The following CADPS2 variants were observed in gnomAD, a reference collection of about 807,000 sequenced individuals.
CADPS2 encodes calcium-dependent secretion activator 2.
A neutral mutation model predicts 172.5 loss-of-function variants in CADPS2; 93 were observed. The observed-to-expected ratio is 0.54, with a 90% CI of 0.46 to 0.64. The LOEUF is 0.64. Among genes scored for constraint, CADPS2 ranks in the 30% least tolerant of loss-of-function variants. The pLI, the probability that CADPS2 is intolerant of heterozygous loss-of-function variation, is 0.00. For synonymous variants in CADPS2, 546 were observed against 555.2 expected, an observed-to-expected ratio of 0.98 and a Z score of 0.23; for missense variants, 1,420 against 1,565.9, an observed-to-expected ratio of 0.91 and a Z score of 1.57.
At chr7:122,698,964 ATC>A (rs2085602698) in intron 2 of CADPS2, 1 of 1,299,878 alleles carries the variant, frequency 7.7e-7, no homozygotes, top group Admixed American at 2.5e-5. Context: ...ACAGTTGCAC[ATC>A]TGTTGACAAT....
rs553919767 is a variant in CADPS2, at chr7:122,481,940, G to A, written c.1853-1080C>T. 2.0e-5 allele frequency among the ~76,000 whole-genome samples: 3 copies of A among 152,222 alleles called. No homozygotes were observed. In the South Asian group the frequency reaches 6.2e-4, roughly 32 times the overall value. On this transcript the variant is annotated intron_variant, in intron 11 of 29. Coordinates refer to ENST00000449022, the MANE Select transcript of CADPS2 (RefSeq NM_017954.11). Reference sequence around the variant, plus strand: ...GAGGCTACTTGGGAGGCTGAGGCACGAGAATGGCTTGAACCTGGGAGGCAG... The same window carrying A: ...GAGGCTACTTGGGAGGCTGAGGCACAAGAATGGCTTGAACCTGGGAGGCAG...
At position 122,886,050 on chromosome 7, in the gene CADPS2, C is replaced by T. The variant is rs753743839; in HGVS notation, c.288G>A (p.Ala96=). The change falls in exon 1 of 30, where the codon GCG becomes GCA. Residue 96 remains alanine, a synonymous_variant. Transcript: ENST00000449022. ...TGGGCTGCTTGGCGTTGAAGGGGTA[C>T]GCGATGCACCTCACGACGAAGACGT... ...QLYVFVVRCI[A]YPFNAKQPTD... The T allele has an allele frequency of 2.5e-6, 4 of 1,607,448 alleles. No individual in the cohort carries two copies. The highest frequency in any genetic ancestry group is 2.2e-5 in the South Asian group (2 of 89,338).
intron 19 of CADPS2, among the ~76,000 whole-genome samples, chr7:122,409,994 A>G (rs2047106099): frequency 1.3e-5 from 2 of 152,190 alleles, no homozygotes; most frequent in Non-Finnish European, 2.9e-5. Flanking sequence ...GCAATGTTTA[A>G]TTTGCTTAAG....
intron 2 of CADPS2, among the ~76,000 whole-genome samples, chr7:122,664,279 G>A (rs550452371): frequency 1.3e-5 from 2 of 152,116 alleles, no homozygotes; most frequent in African/African-American, 4.8e-5. Flanking sequence ...CAACAGCTGG[G>A]GGGCTAGAAT....
intron 8 of CADPS2, among the ~76,000 whole-genome samples, chr7:122,518,206 A>G (rs1411414471): frequency 1.3e-5 from 2 of 152,046 alleles, no homozygotes; most frequent in African/African-American, 4.8e-5. Context: ...AAGACTTTGC[A>G]TATAAAAATC....
rs1464749182 is a variant in CADPS2, at chr7:122,719,284, A to C, written c.453+17671T>G. 2.0e-5 allele frequency among the ~76,000 whole-genome samples: 3 copies of C among 152,042 alleles called. No homozygotes were observed. In the East Asian group the frequency reaches 5.8e-4, roughly 29 times the overall value. On this transcript the variant is annotated intron_variant, in intron 2 of 29. Coordinates refer to ENST00000449022, the MANE Select transcript of CADPS2 (RefSeq NM_017954.11). ...GGGTGGGGGAGAGAGAAAGGGAATGAGTGGCTTCATGCATGAGGAGAACAA... is the reference window on the plus strand; with the variant it reads ...GGGTGGGGGAGAGAGAAAGGGAATGCGTGGCTTCATGCATGAGGAGAACAA...
rs1461448869 is a variant in CADPS2 at position 122,581,257 on chromosome 7, A to T, written c.1257T>A (p.His419Gln). The T allele has an allele frequency of 6.2e-7, 1 of 1,613,000 alleles. No homozygotes were observed. Among genetic ancestry groups the T allele is most frequent in the East Asian group, 2.2e-5 (1 of 44,824 alleles). ...WGTQGDFTTT[H>Q]PRPVVKVKLF... ...GTTTCACTTTGACCACAGGCCGAGG[A>T]TGGGTGGTGGTGAAATCTCCTTGAG... The change falls in exon 7 of 30, where the codon CAT becomes CAA. Residue 419 changes from histidine to glutamine, a missense_variant. His to Gln is a conservative substitution (Grantham distance 24). Coordinates refer to ENST00000449022, the MANE Select transcript of CADPS2 (RefSeq NM_017954.11).
intron 15 of CADPS2, among the ~76,000 whole-genome samples, chr7:122,450,946 C>G (rs1039353141): frequency 6.6e-6 from 1 of 152,048 alleles, no homozygotes; most frequent in Admixed American, 6.6e-5. Context: ...TTACAAGTGA[C>G]AAGACAATAC....
intron 25 of CADPS2, among the ~76,000 whole-genome samples, chr7:122,367,564 T>TTTTC (rs2041109156): frequency 1.4e-5 from 2 of 141,240 alleles, no homozygotes; most frequent in African/African-American, 5.3e-5. Context: ...TTTTTTTTTT[T>TTTTC]AAGACAGTCT....
At chr7:122,541,241 G>C (rs1375379869) in intron 8 of CADPS2, among the ~76,000 whole-genome samples, 1 of 149,526 alleles carries the variant, frequency 6.7e-6, no homozygotes, top group African/African-American at 2.5e-5. Context: ...CTGTTGCCCA[G>C]GTTGGAGTGC....
At chr7:122,624,071 CA>C (rs1169370962) in intron 4 of CADPS2, among the ~76,000 whole-genome samples, 1 of 151,984 alleles carries the variant, frequency 6.6e-6, no homozygotes, top group African/African-American at 2.4e-5. Context: ...TTTTTTTCTC[CA>C]AAAAAGCTCA....
chr7:122,449,985 A>G (rs1014434404), intron 15 of CADPS2, among the ~76,000 whole-genome samples: 4 of 152,322 alleles, frequency 2.6e-5, no homozygotes, highest in African/African-American at 9.6e-5. Context: ...TATAGTATAT[A>G]CTATGAGATT....
chr7:122,818,621 TC>T (rs1486779385), intron 1 of CADPS2, among the ~76,000 whole-genome samples: 1 of 151,988 alleles, frequency 6.6e-6, no homozygotes, highest in African/African-American at 2.4e-5. Flanking sequence ...CCGAGCTAGG[TC>T]CCAATTCTTC....
intron 29 of CADPS2, among the ~76,000 whole-genome samples, chr7:122,321,197 C>T (rs1455612721): frequency 6.6e-6 from 1 of 152,168 alleles, no homozygotes; most frequent in Non-Finnish European, 1.5e-5. Flanking sequence ...AGACAGGTCT[C>T]ACTCTCTTAC....
chr7:122,399,023 C>CT (rs1471243973), intron 20 of CADPS2, among the ~76,000 whole-genome samples: 1 of 152,002 alleles, frequency 6.6e-6, no homozygotes, highest in Admixed American at 6.6e-5. Flanking sequence ...TATACATTAA[C>CT]TAGTATAATA....
At chr7:122,419,703 T>C (rs2048328087) in intron 17 of CADPS2, among the ~76,000 whole-genome samples, 1 of 152,120 alleles carries the variant, frequency 6.6e-6, no homozygotes, top group South Asian at 2.1e-4. Context: ...CCCATAAATA[T>C]TGCACTTATA....
intron 1 of CADPS2, among the ~76,000 whole-genome samples, chr7:122,747,391 G>C (rs190314394): frequency 1.3e-5 from 2 of 152,042 alleles, no homozygotes. Flanking sequence ...TCTACCCAAC[G>C]CTTTTCTACA....
At chr7:122,379,297 A>T (rs2042720160) in intron 25 of CADPS2, 71 bp downstream of exon 25, 3 of 978,516 alleles carry the variant, frequency 3.1e-6, no homozygotes, top group South Asian at 1.7e-5. Flanking sequence ...TTAGATATTT[A>T]AAAACATTAA....
intron 25 of CADPS2, among the ~76,000 whole-genome samples, chr7:122,373,036 C>A (rs1051244505): frequency 3.9e-5 from 6 of 152,170 alleles, no homozygotes; most frequent in South Asian, 2.1e-4. Flanking sequence ...ATTCTATGTT[C>A]ATTTCATAGG....
Sources: gnomAD v4.1 joint callset for allele counts (sites outside exome capture counted in the v4.1 genomes callset) on GRCh38, gnomAD v4.1.1 for gene constraint, MANE v1.5 for transcripts, NCBI Gene and HGNC (gene_info 2026-07-23, HGNC 2026-07-21) for gene names.